CNTN4: variants seen among roughly 807,000 people sequenced by gnomAD.
The protein encoded by CNTN4 is contactin-4.
Under a neutral mutation model 122.5 loss-of-function variants are expected in CNTN4, and 77 were observed. The observed-to-expected ratio is 0.63, with a 90% CI of 0.52 to 0.76. The LOEUF (loss-of-function observed/expected upper bound fraction) is 0.76, where lower values mean the gene tolerates loss of function less well. Among genes scored for constraint, CNTN4 ranks in the 30% least tolerant of loss-of-function variants. CNTN4 has a pLI of 0.00. For synonymous variants in CNTN4, 512 were observed against 447.0 expected, an observed-to-expected ratio of 1.15 and a Z score of -1.83; for missense variants, 1,256 against 1,259.1, an observed-to-expected ratio of 1.00 and a Z score of 0.04.
At chr3:3,047,690 T>C (rs532416570) in intron 23 of CNTN4, among the ~76,000 whole-genome samples, 2 of 149,456 alleles carry the variant, frequency 1.3e-5, no homozygotes, top group African/African-American at 4.9e-5. Context: ...GATCTAAAAT[T>C]GACACCCTAA....
chr3:2,227,978 A>G (rs1257003749), intron 2 of CNTN4, among the ~76,000 whole-genome samples: 1 of 152,200 alleles, frequency 6.6e-6, no homozygotes, highest in Admixed American at 6.5e-5. Context: ...GTAAAGTATT[A>G]CTGAAAGATC....
At chr3:2,923,326 T>G (rs2094445566) in intron 12 of CNTN4, among the ~76,000 whole-genome samples, 1 of 152,092 alleles carries the variant, frequency 6.6e-6, no homozygotes, top group Non-Finnish European at 1.5e-5. Flanking sequence ...ACTTTTTTTT[T>G]TTACATTTTT....
chr3:2,872,759 GAT>G (rs1431185461), intron 8 of CNTN4, among the ~76,000 whole-genome samples: 1 of 151,786 alleles, frequency 6.6e-6, no homozygotes, highest in Non-Finnish European at 1.5e-5. Context: ...ATACATTTTG[GAT>G]ATAGGTATGT....
chr3:2,539,154 A>G (rs1325440632), intron 3 of CNTN4, among the ~76,000 whole-genome samples: 1 of 152,098 alleles, frequency 6.6e-6, no homozygotes, highest in Non-Finnish European at 1.5e-5. Context: ...ATTTTCCATA[A>G]GCAAGATGAT....
intron 4 of CNTN4, among the ~76,000 whole-genome samples, chr3:2,668,982 A>G (rs2084337036): frequency 6.6e-6 from 1 of 152,124 alleles, no homozygotes; most frequent in Admixed American, 6.5e-5. Flanking sequence ...GTGCTGCTGG[A>G]TTCGGTTTGC....
intron 2 of CNTN4, among the ~76,000 whole-genome samples, chr3:2,135,958 G>T (rs769420960): frequency 6.6e-6 from 1 of 152,074 alleles, no homozygotes; most frequent in African/African-American, 2.4e-5. Flanking sequence ...TGTTTGATCT[G>T]TTTTTTTCTG....
At chr3:2,704,296 C>CAA (rs151155380) in intron 4 of CNTN4, among the ~76,000 whole-genome samples, 3 of 69,504 alleles carry the variant, frequency 4.3e-5, no homozygotes, top group African/African-American at 5.7e-5. Context: ...GACTTCATTT[C>CAA]AAAAAAAAAA....
At chr3:2,194,141 C>T (rs1202779335) in intron 2 of CNTN4, among the ~76,000 whole-genome samples, 1 of 151,990 alleles carries the variant, frequency 6.6e-6, no homozygotes, top group Non-Finnish European at 1.5e-5. Context: ...CTCAAATGTT[C>T]AGGGAAAATA....
chr3:2,949,941 T>C (rs2094720918), intron 13 of CNTN4, among the ~76,000 whole-genome samples: 1 of 152,202 alleles, frequency 6.6e-6, no homozygotes, highest in Admixed American at 6.5e-5. Context: ...ATCTTAGTGG[T>C]TAAAAATAAT....
intron 2 of CNTN4, among the ~76,000 whole-genome samples, chr3:2,335,842 A>T (rs553692621): frequency 1.8e-4 from 27 of 152,286 alleles, no homozygotes; most frequent in African/African-American, 6.3e-4. Flanking sequence ...ATGAAAATCC[A>T]CTGTGGAAGT....
At chr3:2,913,737 A>C (rs563642958) in intron 12 of CNTN4, among the ~76,000 whole-genome samples, 2 of 152,206 alleles carry the variant, frequency 1.3e-5, no homozygotes, top group African/African-American at 4.8e-5. Context: ...ATTTTCAATC[A>C]TGGATAGAAC....
intron 3 of CNTN4, among the ~76,000 whole-genome samples, chr3:2,425,473 G>A (rs1026864782): frequency 5.9e-5 from 9 of 152,136 alleles, no homozygotes; most frequent in African/African-American, 1.9e-4. Context: ...GGTTACTGTA[G>A]CCTTGTAGTA....
At chr3:2,214,443 G>A (rs775259522) in intron 2 of CNTN4, among the ~76,000 whole-genome samples, 24 of 152,104 alleles carry the variant, frequency 1.6e-4, no homozygotes, top group Admixed American at 3.9e-4. Flanking sequence ...TTTTATAAAT[G>A]TCTGTCATTT....
At position 2,163,540 on chromosome 3, in the gene CNTN4, G is replaced by T. The variant is rs538137094; in HGVS notation, c.-145+62901G>T. Reference sequence around the variant, plus strand: ...ACTAAAAAGCTTCTGCACAGCAAAAGAAATAGTCAGCAAGTAAATAGACAA... The same window carrying T: ...ACTAAAAAGCTTCTGCACAGCAAAATAAATAGTCAGCAAGTAAATAGACAA... On this transcript the variant is annotated intron_variant, in intron 2 of 24. Coordinates refer to ENST00000418658, the MANE Select transcript of CNTN4 (RefSeq NM_175607.3). 7.9e-5 allele frequency among the ~76,000 whole-genome samples: 12 copies of T among 151,956 alleles called. No homozygotes were observed. The South Asian group carries it at 1.4e-3, about 18-fold the overall frequency.
chr3:2,752,048 T>C (rs2090120503), intron 6 of CNTN4, among the ~76,000 whole-genome samples: 1 of 152,194 alleles, frequency 6.6e-6, no homozygotes, highest in South Asian at 2.1e-4. Flanking sequence ...CCCAGAATCA[T>C]TTCCAACATA....
chr3:2,145,527 CAG>C (rs1390575035), intron 2 of CNTN4, among the ~76,000 whole-genome samples: 2 of 152,060 alleles, frequency 1.3e-5, no homozygotes, highest in East Asian at 3.9e-4. Flanking sequence ...TTTAAGTTCA[CAG>C]AGAGCAAGAA....
chr3:2,916,753 CT>C, intron 12 of CNTN4, among the ~76,000 whole-genome samples: 1 of 142,016 alleles, frequency 7.0e-6, no homozygotes, highest in Non-Finnish European at 1.5e-5. Flanking sequence ...GGCAGAGGGG[CT>C]CCTCACTTCC....
chr3:3,030,335 G>A (rs916200356), intron 15 of CNTN4, among the ~76,000 whole-genome samples: 2 of 152,180 alleles, frequency 1.3e-5, no homozygotes, highest in East Asian at 1.9e-4. Context: ...TAGGTGATGC[G>A]AGATTTCCTT....
At chr3:2,402,745 T>A (rs965291246) in intron 3 of CNTN4, among the ~76,000 whole-genome samples, 1 of 152,134 alleles carries the variant, frequency 6.6e-6, no homozygotes, top group African/African-American at 2.4e-5. Context: ...ATCTACTAGT[T>A]TCTTATAAAA....
Sources: gnomAD v4.1 joint callset for allele counts (sites outside exome capture counted in the v4.1 genomes callset) on GRCh38, gnomAD v4.1.1 for gene constraint, MANE v1.5 for transcripts, NCBI Gene and HGNC (gene_info 2026-07-23, HGNC 2026-07-21) for gene names.